ZNF609: variants seen among roughly 807,000 people sequenced by gnomAD.
ZNF609 encodes zinc finger protein 609.
Under a neutral mutation model 109.5 loss-of-function variants are expected in ZNF609, and 11 were observed. The ratio of observed to expected loss-of-function variants is 0.10; its 90% CI spans 0.06 to 0.17. ZNF609 has a LOEUF of 0.17. Among genes scored for constraint, ZNF609 ranks in the 10% least tolerant of loss-of-function variants. ZNF609 has a pLI of 1.00. For missense variants in ZNF609, 1,559 were observed against 1,772.4 expected (o/e 0.88, Z 2.16); for synonymous variants, 646 against 662.0 (o/e 0.98, Z 0.37).
chr15:64,625,631 C>T (rs1474599155), intron 3 of ZNF609, among the ~76,000 whole-genome samples: 1 of 151,910 alleles, frequency 6.6e-6, no homozygotes, highest in East Asian at 1.9e-4. Context: ...TGGCTCAAGC[C>T]TGTAATCCCA....
intron 2 of ZNF609, among the ~76,000 whole-genome samples, chr15:64,574,581 C>A (rs376581000): frequency 6.6e-6 from 1 of 152,136 alleles, no homozygotes; most frequent in Admixed American, 6.6e-5. Context: ...GACTACATAT[C>A]TTTATTGCTG....
intron 3 of ZNF609, among the ~76,000 whole-genome samples, chr15:64,666,069 C>T (rs1385317623): frequency 9.0e-4 from 62 of 68,628 alleles, no homozygotes; most frequent in Admixed American, 2.4e-3. Flanking sequence ...AGCAAGACTT[C>T]GTCTCAAAAA....
intron 3 of ZNF609, among the ~76,000 whole-genome samples, chr15:64,636,890 GT>G (rs1473053130): frequency 6.6e-6 from 1 of 152,150 alleles, no homozygotes; most frequent in East Asian, 1.9e-4. Flanking sequence ...CAAAGGTTTT[GT>G]TTTTGTTTTA....
intron 2 of ZNF609, among the ~76,000 whole-genome samples, chr15:64,576,765 G>T (rs1894959359): frequency 7.1e-6 from 1 of 141,614 alleles, no homozygotes; most frequent in Admixed American, 7.4e-5. Context: ...GGAGGTTGCA[G>T]TGAGCTGAGA....
intron 2 of ZNF609, among the ~76,000 whole-genome samples, chr15:64,609,864 C>G (rs1481412457): frequency 6.6e-6 from 1 of 150,680 alleles, no homozygotes; most frequent in Non-Finnish European, 1.5e-5. Flanking sequence ...CTCGTCTCTA[C>G]TAAAAATGCA....
At chr15:64,513,164 CAA>C (rs1426966083) in intron 2 of ZNF609, among the ~76,000 whole-genome samples, 2 of 151,990 alleles carry the variant, frequency 1.3e-5, no homozygotes, top group South Asian at 2.1e-4. Context: ...TGGAGTATCT[CAA>C]ATTCATATAC....
intron 3 of ZNF609, among the ~76,000 whole-genome samples, chr15:64,630,553 C>T (rs964134610): frequency 4.6e-5 from 7 of 152,094 alleles, no homozygotes; most frequent in Non-Finnish European, 7.4e-5. Context: ...ATATAAGTCC[C>T]TTGACTCTCC....
Position 64,681,371 on chromosome 15 carries a change from C to G in ZNF609, c.4225C>G (p.Pro1409Ala). The G allele has an allele frequency of 6.2e-7, 1 of 1,614,044 alleles. No individual in the cohort carries two copies. The highest frequency in any genetic ancestry group is 1.3e-5 in the African/African-American group (1 of 75,026). ...QGSTPSLYPP[P>A]RR ...CTCAACTCCCTCACTCTACCCACCCCCCAGGAGGTGAGAATGGTAAGTCAC... is the reference window on the plus strand; with the variant it reads ...CTCAACTCCCTCACTCTACCCACCCGCCAGGAGGTGAGAATGGTAAGTCAC... Residue 1409 changes from proline (P) to alanine (A), a missense_variant, in exon 9 of 10, where the codon CCC becomes GCC. Physicochemically the swap from Pro to Ala is conservative, Grantham distance 27. Transcript: ENST00000326648.
chr15:64,570,364 A>G (rs1191411741), intron 2 of ZNF609, among the ~76,000 whole-genome samples: 3 of 152,228 alleles, frequency 2.0e-5, no homozygotes, highest in African/African-American at 7.2e-5. Flanking sequence ...TATAAAAGGC[A>G]TTTGAGATGG....
chr15:64,505,267 C>T (rs1893618487), intron 2 of ZNF609, among the ~76,000 whole-genome samples: 2 of 152,080 alleles, frequency 1.3e-5, no homozygotes, highest in Admixed American at 1.3e-4. Flanking sequence ...ATATTTCATC[C>T]AGCCAAATTT....
In ZNF609 at chr15:64,676,165, C is replaced by T; in HGVS notation, c.3311C>T (p.Ala1104Val). 6.2e-7 allele frequency: 1 copy of T among 1,614,156 alleles called. No homozygotes were observed. Among genetic ancestry groups the T allele is most frequent in the Non-Finnish European group, 8.5e-7 (1 of 1,180,036 alleles). Reference sequence around the variant, plus strand: ...GGCCTTAAAGTGAAGCTGAGTGATGCCAGCCACCTAAGCAAGGAGGCCTCT... The same window carrying T: ...GGCCTTAAAGTGAAGCTGAGTGATGTCAGCCACCTAAGCAAGGAGGCCTCT... ...PEGLKVKLSD[A>V]SHLSKEASEA... is the part of the protein sequence containing the mutation. The change falls in exon 5 of 10, where the codon GCC (alanine) becomes GTC (valine). Residue 1104 changes from alanine to valine, a missense_variant. Physicochemically the swap from Ala to Val is moderately conservative, Grantham distance 64. Coordinates refer to ENST00000326648, the MANE Select transcript of ZNF609 (RefSeq NM_015042.2).
chr15:64,631,754 G>A (rs528930472), intron 3 of ZNF609: 1 of 207,260 alleles, frequency 4.8e-6, no homozygotes, highest in East Asian at 1.5e-4. Context: ...ATGTTGGTCA[G>A]GCTAGTCTCA....
At chr15:64,462,223 A>G (rs896537345) in intron 1 of ZNF609, among the ~76,000 whole-genome samples, 1 of 152,080 alleles carries the variant, frequency 6.6e-6, no homozygotes, top group African/African-American at 2.4e-5. Flanking sequence ...ATTGGCACAC[A>G]TTTTTCAGAA....
At position 64,514,641 on chromosome 15, in the gene ZNF609, C is replaced by CT. The variant is rs749141532; in HGVS notation, c.747+14489dup. ...ACCTTTAGATTCTATCTAAACTATGCTTTTTTTTTTTTTTGAGACGGAGTC... is the reference window on the plus strand; with the variant it reads ...ACCTTTAGATTCTATCTAAACTATGCTTTTTTTTTTTTTTTGAGACGGAGTC... On this transcript the variant is annotated intron_variant, in intron 2 of 9. Coordinates refer to ENST00000326648, the MANE Select transcript of ZNF609 (RefSeq NM_015042.2). Among the ~76,000 whole-genome samples the CT allele has an allele frequency of 4.2e-3, 608 of 144,056 alleles. 3 individuals carry two copies. Among genetic ancestry groups the CT allele is most frequent in the South Asian group, 8.5e-3 (38 of 4,490 alleles). 94.5% of individuals were successfully genotyped at this position (144,056 alleles called of 152,430 possible).
intron 1 of ZNF609, among the ~76,000 whole-genome samples, chr15:64,475,100 T>A (rs1475168364): frequency 1.5e-4 from 2 of 13,142 alleles, no homozygotes; most frequent in Admixed American, 2.2e-3. Flanking sequence ...GTTTATCCTT[T>A]TTTTTTTTTT....
chr15:64,539,894 C>T (rs77757116), intron 2 of ZNF609, among the ~76,000 whole-genome samples: 10,864 of 152,164 alleles, frequency 0.071, 676 homozygotes, highest in African/African-American at 0.17. Flanking sequence ...GCCCTGGCCT[C>T]CCAAAGTGCT....
At chr15:64,589,536 T>A (rs763393221) in intron 2 of ZNF609, among the ~76,000 whole-genome samples, 1 of 152,224 alleles carries the variant, frequency 6.6e-6, no homozygotes, top group African/African-American at 2.4e-5. Flanking sequence ...AGAAGTTAAA[T>A]AACTTGCCTA....
At chr15:64,631,295 A>T in intron 3 of ZNF609, 1 of 670,450 alleles carries the variant, frequency 1.5e-6, no homozygotes, top group Non-Finnish European at 2.8e-6. Flanking sequence ...TGGCTTTTAG[A>T]GAGTGAGTGC....
chr15:64,486,813 G>C (rs1033831896), intron 1 of ZNF609, among the ~76,000 whole-genome samples: 4 of 152,060 alleles, frequency 2.6e-5, no homozygotes, highest in Non-Finnish European at 5.9e-5. Flanking sequence ...GGCAGGTTTT[G>C]CCATTTGGCC....
Sources: allele counts gnomAD v4.1 joint callset (sites outside exome capture counted in the v4.1 genomes callset), GRCh38; gene constraint gnomAD v4.1.1; transcripts MANE v1.5; gene names NCBI Gene and HGNC (gene_info 2026-07-23, HGNC 2026-07-21).